Variants in CXCL13 observed in about 807,000 individuals in gnomAD.
The protein encoded by CXCL13 is C-X-C motif chemokine 13.
Under a neutral mutation model 12.2 loss-of-function variants are expected in CXCL13, and 7 were observed. The ratio of observed to expected loss-of-function variants is 0.57; its 90% CI spans 0.33 to 1.07. The LOEUF is 1.07. CXCL13 is among the 50% of genes least tolerant of loss of function. The pLI, the probability that CXCL13 is intolerant of heterozygous loss-of-function variation, is 0.04. For synonymous variants in CXCL13, 47 were observed against 42.4 expected, an observed-to-expected ratio of 1.11 and a Z score of -0.42; for missense variants, 113 against 127.4, an observed-to-expected ratio of 0.89 and a Z score of 0.55.
intron 1 of CXCL13, among the ~76,000 whole-genome samples, chr4:77,579,719 A>G (rs921996085): frequency 4.6e-5 from 7 of 152,134 alleles, no homozygotes; most frequent in Non-Finnish European, 7.4e-5. Flanking sequence ...CCCTTTAAAA[A>G]TGATGTACTC....
At position 77,519,015 on chromosome 4, in the gene CXCL13, G is replaced by A. The variant is rs981701230; in HGVS notation, c.-43+7227G>A. Among the ~76,000 whole-genome samples, 3 of 152,192 alleles carry A rather than the reference G, an allele frequency of 2.0e-5. No homozygotes were observed. The East Asian group carries it at 5.8e-4, about 29-fold the overall frequency. On this transcript the variant is annotated intron_variant, in intron 1 of 4. Transcript: ENST00000286758. ...TTGTTAGTTTTCCTTCTAACAGAGA[G>A]GACCCTCAGCTGCAAGTCTGTTGGA...
intron 1 of CXCL13, among the ~76,000 whole-genome samples, chr4:77,516,239 T>G (rs1426546504): frequency 1.3e-5 from 2 of 152,226 alleles, no homozygotes; most frequent in Non-Finnish European, 2.9e-5. Flanking sequence ...TTTGCATCAA[T>G]GTTCATCAAG....
intron 1 of CXCL13, among the ~76,000 whole-genome samples, chr4:77,530,395 C>A (rs767254251): frequency 6.6e-6 from 1 of 152,124 alleles, no homozygotes; most frequent in Non-Finnish European, 1.5e-5. Context: ...GGCTGTGAAT[C>A]CATCTGGTCC....
At chr4:77,528,668 CT>C (rs1320141162) in intron 1 of CXCL13, among the ~76,000 whole-genome samples, 2 of 152,082 alleles carry the variant, frequency 1.3e-5, no homozygotes, top group East Asian at 3.8e-4. Context: ...ATTGTAGATT[CT>C]GGATGTTAGC....
At chr4:77,516,709 A>G (rs1483090010) in intron 1 of CXCL13, among the ~76,000 whole-genome samples, 1 of 149,738 alleles carries the variant, frequency 6.7e-6, no homozygotes, top group Non-Finnish European at 1.5e-5. Flanking sequence ...TTTTTTCTTT[A>G]TTAGTCTAGC....
At chr4:77,546,107 C>A (rs544443374) in intron 1 of CXCL13, among the ~76,000 whole-genome samples, 30 of 152,130 alleles carry the variant, frequency 2.0e-4, no homozygotes, top group Non-Finnish European at 3.7e-4. Context: ...CCAACTTGAT[C>A]GTGTTGGATA....
chr4:77,513,711 C>G (rs1221271397), intron 1 of CXCL13, among the ~76,000 whole-genome samples: 1 of 152,136 alleles, frequency 6.6e-6, no homozygotes, highest in Non-Finnish European at 1.5e-5. Flanking sequence ...CTCAGCCTCC[C>G]AAAATGCTGG....
chr4:77,533,103 A>G (rs977638019), intron 1 of CXCL13, among the ~76,000 whole-genome samples: 1 of 152,068 alleles, frequency 6.6e-6, no homozygotes, highest in Admixed American at 6.6e-5. Context: ...TTGGAGGAGG[A>G]GAGGTGCTCT....
intron 1 of CXCL13, among the ~76,000 whole-genome samples, chr4:77,527,185 A>G (rs746220851): frequency 6.6e-6 from 1 of 152,226 alleles, no homozygotes; most frequent in Non-Finnish European, 1.5e-5. Flanking sequence ...AAATAAAACC[A>G]CAAAATGTAG....
At chr4:77,586,821 A>G (rs563989022) in intron 1 of CXCL13, among the ~76,000 whole-genome samples, 13 of 152,338 alleles carry the variant, frequency 8.5e-5, no homozygotes, top group African/African-American at 3.1e-4. Flanking sequence ...GAAATTTTAT[A>G]GCAAAGGTTA....
At chr4:77,515,076 T>C (rs1229561295) in intron 1 of CXCL13, among the ~76,000 whole-genome samples, 13 of 152,306 alleles carry the variant, frequency 8.5e-5, no homozygotes, top group African/African-American at 3.1e-4. Flanking sequence ...CCTTTCCCCA[T>C]TGCTTGTTTT....
intron 1 of CXCL13, among the ~76,000 whole-genome samples, chr4:77,578,413 A>C (rs1043380342): frequency 1.7e-4 from 26 of 152,124 alleles, no homozygotes; most frequent in African/African-American, 6.0e-4. Flanking sequence ...TCTTATCCTT[A>C]TCTTTGTTCT....
chr4:77,560,599 A>G (rs1465528436), intron 1 of CXCL13, among the ~76,000 whole-genome samples: 5 of 152,206 alleles, frequency 3.3e-5, no homozygotes, highest in African/African-American at 4.8e-5. Context: ...TACTTTTCTT[A>G]GGTATTCCAG....
intron 1 of CXCL13, among the ~76,000 whole-genome samples, chr4:77,590,865 A>T (rs924202772): frequency 6.6e-6 from 1 of 152,188 alleles, no homozygotes; most frequent in Non-Finnish European, 1.5e-5. Flanking sequence ...AAGAAATGTT[A>T]CCTGTCTCAT....
chr4:77,607,653 T>A, intron 1 of CXCL13, 50 bp from the exon 2 acceptor site: 1 of 1,543,724 alleles, frequency 6.5e-7, no homozygotes, highest in South Asian at 1.2e-5. Flanking sequence ...ATTCTAGTTA[T>A]GAATTACATG....
chr4:77,534,694 A>T (rs1387076840), intron 1 of CXCL13, among the ~76,000 whole-genome samples: 1 of 152,210 alleles, frequency 6.6e-6, no homozygotes, highest in African/African-American at 2.4e-5. Context: ...TCAATTTCAA[A>T]CAGGTGATAC....
intron 1 of CXCL13, among the ~76,000 whole-genome samples, chr4:77,557,638 A>C (rs1483083010): frequency 1.3e-5 from 2 of 152,204 alleles, no homozygotes; most frequent in Non-Finnish European, 1.5e-5. Flanking sequence ...CTGATGAGTA[A>C]GAACCACCAC....
intron 1 of CXCL13, among the ~76,000 whole-genome samples, chr4:77,520,098 T>C (rs532800028): frequency 1.9e-3 from 283 of 152,358 alleles, no homozygotes; most frequent in African/African-American, 4.8e-3. Context: ...ACCAGTACCA[T>C]GCTGTTTTGG....
At chr4:77,608,451 A>AAAAG (rs1406073870) in intron 2 of CXCL13, among the ~76,000 whole-genome samples, 1 of 151,984 alleles carries the variant, frequency 6.6e-6, no homozygotes, top group Non-Finnish European at 1.5e-5. Context: ...AAAAAAAAAA[A>AAAAG]AAAGAAAGAA....
Sources: gnomAD v4.1 joint callset for allele counts (sites outside exome capture counted in the v4.1 genomes callset) on GRCh38, gnomAD v4.1.1 for gene constraint, MANE v1.5 for transcripts, NCBI Gene and HGNC (gene_info 2026-07-23, HGNC 2026-07-21) for gene names.